SH3RF3: variants seen among roughly 807,000 people sequenced by gnomAD.
SH3RF3 encodes SH3 domain containing ring finger 3, also known as E3 ubiquitin-protein ligase SH3RF3.
Under a neutral mutation model 66.3 loss-of-function variants are expected in SH3RF3, and 29 were observed. That is an observed-to-expected ratio of 0.44 (90% CI 0.33 to 0.60). The LOEUF is 0.60. SH3RF3 is among the 20% of genes least tolerant of loss of function. The pLI, the probability that SH3RF3 is intolerant of heterozygous loss-of-function variation, is 0.04. For missense variants in SH3RF3, 1,194 were observed against 1,190.9 expected (o/e 1.00, Z -0.04); for synonymous variants, 583 against 532.0 (o/e 1.10, Z -1.32).
At chr2:109,252,066 T>A (rs537383072) in intron 1 of SH3RF3, among the ~76,000 whole-genome samples, 3 of 144,330 alleles carry the variant, frequency 2.1e-5, no homozygotes, top group South Asian at 2.3e-4. Flanking sequence ...GGGCAACATA[T>A]AGAGATGCCA....
chr2:109,168,645 T>C (rs1270772645), intron 1 of SH3RF3, among the ~76,000 whole-genome samples: 3 of 144,508 alleles, frequency 2.1e-5, no homozygotes, highest in Non-Finnish European at 4.5e-5. Context: ...TGCCATGGAC[T>C]GGCAGCTGCT....
chr2:109,489,590 G>A (rs1679073141), intron 8 of SH3RF3, among the ~76,000 whole-genome samples: 1 of 152,218 alleles, frequency 6.6e-6, no homozygotes, highest in Non-Finnish European at 1.5e-5. Flanking sequence ...TGACAGAGAG[G>A]GCTGTGTTGT....
chr2:109,418,622 T>C (rs1018762081), intron 4 of SH3RF3, among the ~76,000 whole-genome samples: 2 of 152,130 alleles, frequency 1.3e-5, no homozygotes, highest in South Asian at 4.1e-4. Flanking sequence ...CCCACTCTAA[T>C]CAAGGATGAT....
At position 109,151,075 on chromosome 2, in the gene SH3RF3, G is replaced by A. The variant is rs371407996; in HGVS notation, c.573+20962G>A. On this transcript the variant is annotated intron_variant, in intron 1 of 9. Transcript: ENST00000309415. ...GATAATATTGCATCATTGCACAAAA[G>A]CCAACAGCCACACCAATGTATTTGC... Among the ~76,000 whole-genome samples the A allele has an allele frequency of 2.2e-3, 339 of 152,312 alleles. 1 individual carries two copies. The highest frequency in any genetic ancestry group is 6.8e-3 in the Middle Eastern group (2 of 294).
intron 5 of SH3RF3, among the ~76,000 whole-genome samples, chr2:109,426,751 A>G (rs1677036653): frequency 6.6e-6 from 1 of 152,188 alleles, no homozygotes; most frequent in Non-Finnish European, 1.5e-5. Context: ...AACAGCATCA[A>G]ATGCTATAGA....
At chr2:109,292,930 C>T (rs1464257582) in intron 1 of SH3RF3, among the ~76,000 whole-genome samples, 1 of 152,154 alleles carries the variant, frequency 6.6e-6, no homozygotes, top group East Asian at 1.9e-4. Flanking sequence ...CAGGGTTTCA[C>T]CATGTTGGTC....
intron 4 of SH3RF3, among the ~76,000 whole-genome samples, chr2:109,401,389 C>T (rs1676308792): frequency 6.6e-6 from 1 of 152,218 alleles, no homozygotes; most frequent in South Asian, 2.1e-4. Flanking sequence ...TCGTTTGTCT[C>T]CTTCCTCCTA....
intron 5 of SH3RF3, among the ~76,000 whole-genome samples, chr2:109,421,370 C>T (rs1354790426): frequency 6.6e-6 from 1 of 152,204 alleles, no homozygotes; most frequent in Non-Finnish European, 1.5e-5. Flanking sequence ...GAGCAAAGGC[C>T]TCCCCTTCCT....
chr2:109,277,912 C>T (rs1253053426), intron 1 of SH3RF3, among the ~76,000 whole-genome samples: 4 of 151,626 alleles, frequency 2.6e-5, no homozygotes, highest in African/African-American at 7.3e-5. Context: ...TGGTGGCTCA[C>T]GCCTATAATC....
intron 9 of SH3RF3, among the ~76,000 whole-genome samples, chr2:109,500,750 A>G (rs1199689202): frequency 6.6e-6 from 1 of 152,132 alleles, no homozygotes; most frequent in African/African-American, 2.4e-5. Flanking sequence ...GGAGTTCAAG[A>G]CCAGCCTGGG....
Position 109,501,623 on chromosome 2 carries a change from G to C in SH3RF3, c.2601G>C (p.Arg867=), listed in dbSNP as rs769041152. Residue 867 remains arginine (R), a synonymous_variant, in exon 10 of 10, where the codon CGG becomes CGC. Transcript: ENST00000309415. Reference sequence around the variant, plus strand: ...GCTGGTACAAGGGGACCCTGCAGCGGAACGGCCGCACAGGCCTCTTCCCGG... The same window carrying C: ...GCTGGTACAAGGGGACCCTGCAGCGCAACGGCCGCACAGGCCTCTTCCCGG... ...EDGWYKGTLQ[R]NGRTGLFPGS... 25 of 778,086 alleles carry C rather than the reference G, an allele frequency of 3.2e-5. No individual in the cohort carries two copies. In the East Asian group the frequency reaches 5.6e-4, roughly 17 times the overall value. 48.2% of individuals were successfully genotyped at this position (778,086 alleles called of 1,614,324 possible).
intron 3 of SH3RF3, among the ~76,000 whole-genome samples, chr2:109,388,778 G>A (rs1020847765): frequency 3.3e-5 from 5 of 152,190 alleles, no homozygotes; most frequent in African/African-American, 1.2e-4. Context: ...GTGACATCTT[G>A]ATCTGATCAC....
chr2:109,392,368 CTT>C (rs1456684984), intron 3 of SH3RF3, among the ~76,000 whole-genome samples: 7 of 152,172 alleles, frequency 4.6e-5, no homozygotes, highest in African/African-American at 1.7e-4. Context: ...GAACAGGTCA[CTT>C]AACCTCTCTG....
At chr2:109,407,764 G>A (rs1010846200) in intron 4 of SH3RF3, among the ~76,000 whole-genome samples, 6 of 152,112 alleles carry the variant, frequency 3.9e-5, no homozygotes, top group Non-Finnish European at 7.4e-5. Context: ...AAATTGCATT[G>A]TGAGAATCTT....
At chr2:109,489,610 C>T (rs1679073944) in intron 8 of SH3RF3, among the ~76,000 whole-genome samples, 1 of 152,208 alleles carries the variant, frequency 6.6e-6, no homozygotes, top group Non-Finnish European at 1.5e-5. Context: ...TCGGGGATGG[C>T]CCGTCAGCAG....
chr2:109,156,147 T>G (rs893152653), intron 1 of SH3RF3, among the ~76,000 whole-genome samples: 1 of 152,234 alleles, frequency 6.6e-6, no homozygotes, highest in Non-Finnish European at 1.5e-5. Flanking sequence ...ATTGTCTGAT[T>G]TGCAGTCCAT....
rs191547585 is a variant in SH3RF3 at position 109,246,613 on chromosome 2, T to C, written c.574-101061T>C. Among the ~76,000 whole-genome samples, 5 of 152,342 alleles carry C rather than the reference T, an allele frequency of 3.3e-5. No homozygotes were observed. In the East Asian group the frequency reaches 9.6e-4, roughly 29 times the overall value. On this transcript the variant is annotated intron_variant, in intron 1 of 9. Transcript: ENST00000309415. ...ACTGTAGTACCCTCCAGCCTTCCTT[T>C]CCACACACAGCCAGTGTATCTCCCT...
At chr2:109,317,987 G>A (rs1400335536) in intron 1 of SH3RF3, among the ~76,000 whole-genome samples, 1 of 151,964 alleles carries the variant, frequency 6.6e-6, no homozygotes, top group South Asian at 2.1e-4. Context: ...GGCCAAGGAT[G>A]GCCTGCATCT....
intron 1 of SH3RF3, among the ~76,000 whole-genome samples, chr2:109,302,720 A>G (rs1681500451): frequency 6.6e-6 from 1 of 151,124 alleles, no homozygotes; most frequent in African/African-American, 2.5e-5. Context: ...ACAAGGCATC[A>G]TGGTGCTCCT....
Sources: gnomAD v4.1 joint callset for allele counts (sites outside exome capture counted in the v4.1 genomes callset) on GRCh38, gnomAD v4.1.1 for gene constraint, MANE v1.5 for transcripts, NCBI Gene and HGNC (gene_info 2026-07-23, HGNC 2026-07-21) for gene names.